The following DIO2 variants were observed in gnomAD, a reference collection of about 807,000 sequenced individuals.
The protein encoded by DIO2 is type II iodothyronine deiodinase.
DIO2 carries 19 observed loss-of-function variants against 21.4 expected under a neutral mutation model. The observed-to-expected ratio is 0.89, with a 90% CI of 0.62 to 1.30. The LOEUF (loss-of-function observed/expected upper bound fraction) is 1.30. DIO2 is among the 50% of genes most tolerant of loss of function. The pLI is 0.00. For synonymous variants in DIO2, 122 were observed against 132.9 expected, an observed-to-expected ratio of 0.92 and a Z score of 0.57; for missense variants, 302 against 338.1, an observed-to-expected ratio of 0.89 and a Z score of 0.84.
chr14:80,218,405 T>C (rs1888398361), intron 2 of DIO2, among the ~76,000 whole-genome samples: 1 of 152,170 alleles, frequency 6.6e-6, no homozygotes, highest in African/African-American at 2.4e-5. Context: ...ATAATAATTA[T>C]CAACCTGAAT....
At chr14:80,225,709 A>G (rs1040196068) in intron 2 of DIO2, among the ~76,000 whole-genome samples, 1 of 151,938 alleles carries the variant, frequency 6.6e-6, no homozygotes, top group African/African-American at 2.4e-5. Flanking sequence ...TTCATTCCTG[A>G]GGGGTCTGGA....
rs1229056021 is a variant in DIO2 at position 80,198,949 on chromosome 14, GATCCTA to G, written c.*3734_*3739del. ...ATTTTTCCTTTTTCAATGGTCATAT[GATCCTA>G]ATTAAAGTTATTTTCCAAACCATCA... On this transcript the variant is annotated 3_prime_UTR_variant, in exon 2 of 2. Coordinates refer to ENST00000438257, the MANE Select transcript of DIO2 (RefSeq NM_013989.5). 1.3e-5 allele frequency: 2 copies of G among 152,180 alleles called. No individual in the cohort carries two copies. The highest frequency in any genetic ancestry group is 3.9e-4 in the East Asian group (2 of 5,188). The allele number at this position is 152,180 out of a possible 1,614,324, so 9.4% of individuals were successfully genotyped here.
chr14:80,205,195 C>T (rs1887900037), intron 1 of DIO2, among the ~76,000 whole-genome samples: 1 of 151,832 alleles, frequency 6.6e-6, no homozygotes, highest in Non-Finnish European at 1.5e-5. Flanking sequence ...TCTTTTTGTA[C>T]TTCTTTTTTT....
At chr14:80,210,710 T>C (rs1166533571) in intron 1 of DIO2, among the ~76,000 whole-genome samples, 2 of 152,156 alleles carry the variant, frequency 1.3e-5, no homozygotes, top group African/African-American at 4.8e-5. Context: ...CATTAACTCT[T>C]ACCTCTACCA....
At chr14:80,203,309 A>AAAG (rs755941003) in intron 1 of DIO2, 21 bp from the exon 2 acceptor site, 35 of 1,422,524 alleles carry the variant, frequency 2.5e-5, no homozygotes, top group African/African-American at 7.3e-5. Context: ...AAAAAAAAAA[A>AAAG]AAGAAGAAGA....
chr14:80,218,839 G>A (rs893990602), intron 2 of DIO2, among the ~76,000 whole-genome samples: 6 of 152,152 alleles, frequency 3.9e-5, no homozygotes, highest in Non-Finnish European at 7.4e-5. Context: ...TTAGCATGGC[G>A]TGGTGGTGCA....
chr14:80,209,611 A>G (rs896740838), intron 1 of DIO2, among the ~76,000 whole-genome samples: 9 of 152,208 alleles, frequency 5.9e-5, no homozygotes, highest in Non-Finnish European at 2.9e-5. Flanking sequence ...GAAATAATCA[A>G]TTCAATATCT....
chr14:80,215,923 A>C (rs944884857), upstream of DIO2: 6 of 152,258 alleles, frequency 3.9e-5, 1 homozygote, highest in East Asian at 1.2e-3. Flanking sequence ...TGATGAAAGG[A>C]GAAGCTCAAT....
At chr14:80,206,213 G>A (rs1320206742) in intron 1 of DIO2, 2 of 1,426,702 alleles carry the variant, frequency 1.4e-6, no homozygotes, top group Non-Finnish European at 1.9e-6. Context: ...AAACTAAGAA[G>A]GAAAAACACA....
At chr14:80,206,707 G>C (rs191898733) in intron 1 of DIO2, among the ~76,000 whole-genome samples, 14 of 152,232 alleles carry the variant, frequency 9.2e-5, no homozygotes, top group African/African-American at 3.4e-4. Flanking sequence ...CCCAAACTTT[G>C]TTTTAATTTC....
chr14:80,206,351 A>G (rs781553936), intron 1 of DIO2: 1 of 1,474,054 alleles, frequency 6.8e-7, no homozygotes, highest in Non-Finnish European at 9.1e-7. Context: ...AAAATAAAGA[A>G]AAAAAACTTT....
upstream of DIO2, chr14:80,211,600 GA>G (rs985723689): frequency 6.8e-5 from 42 of 617,168 alleles, no homozygotes; most frequent in Admixed American, 3.1e-5. Context: ...GGGAGAAGGG[GA>G]AAAAAAACTA....
rs775092695 is a variant in DIO2, at chr14:80,211,391, A to G, written c.82T>C (p.Tyr28His). ...FFSNCLFLAL[Y>H]DSVILLKHVV... ...TGCTTGAGCAGAATGACCGAGTCAT[A>G]GAGAGCCAGGAAGAGGCAGTTGGAG... Residue 28 changes from tyrosine to histidine, a missense_variant, in exon 1 of 2, where the codon TAT becomes CAT. Transcript: ENST00000438257. The G allele has an allele frequency of 6.2e-7, 1 of 1,613,726 alleles. No homozygotes were observed. The highest frequency in any genetic ancestry group is 8.5e-7 in the Non-Finnish European group (1 of 1,179,820).
At chr14:80,208,461 T>G (rs905225421) in intron 1 of DIO2, among the ~76,000 whole-genome samples, 4 of 152,204 alleles carry the variant, frequency 2.6e-5, no homozygotes, top group African/African-American at 9.6e-5. Flanking sequence ...GGGATAATAC[T>G]TTTACTCCAC....
At chr14:80,226,028 C>G (rs1383412981) in intron 2 of DIO2, among the ~76,000 whole-genome samples, 1 of 152,096 alleles carries the variant, frequency 6.6e-6, no homozygotes, top group African/African-American at 2.4e-5. Context: ...GAACAGGAAG[C>G]AAAAATTTCG....
upstream of DIO2, chr14:80,211,817 G>A (rs1888219011): frequency 8.4e-6 from 1 of 118,576 alleles, no homozygotes; most frequent in African/African-American, 3.5e-5. Context: ...TGGCGTACTC[G>A]TCCCTAATCC....
At chr14:80,214,869 T>C (rs1888314851), upstream of DIO2, among the ~76,000 whole-genome samples, 1 of 152,204 alleles carries the variant, frequency 6.6e-6, no homozygotes, top group South Asian at 2.1e-4. Flanking sequence ...CAAGCGGGTG[T>C]TGGGATATTT....
At chr14:80,214,868 G>T (rs1052355872), upstream of DIO2, among the ~76,000 whole-genome samples, 3 of 152,212 alleles carry the variant, frequency 2.0e-5, no homozygotes, top group African/African-American at 7.2e-5. Flanking sequence ...CCAAGCGGGT[G>T]TTGGGATATT....
chr14:80,202,718 T>A lies in DIO2; in HGVS notation c.793A>T (p.Arg265Ter), dbSNP rs775294933. The A allele has an allele frequency of 2.9e-5, 46 of 1,613,664 alleles. No homozygotes were observed. In the South Asian group the frequency reaches 4.5e-4, roughly 16 times the overall value. The change falls in exon 2 of 2, where the codon AGA becomes TGA. Residue 265 changes from arginine to a stop codon, truncating the protein, a stop_gained. Transcript: ENST00000438257. LOFTEE classifies it high-confidence loss of function. ...CCAGCTAATCTAGTTTTCTTTCATC[T>A]CTTGCTGAAATTCTTCTCCAGCCAA... ...RHWLEKNFSK[R>*]UKKTRLAG
Sources: gnomAD v4.1 joint callset for allele counts (sites outside exome capture counted in the v4.1 genomes callset) on GRCh38, gnomAD v4.1.1 for gene constraint, MANE v1.5 for transcripts, NCBI Gene and HGNC (gene_info 2026-07-23, HGNC 2026-07-21) for gene names.